The following GRIK1 variants were observed in gnomAD, a reference collection of about 807,000 sequenced individuals.
GRIK1 encodes glutamate receptor ionotropic, kainate 1.
Under a neutral mutation model 105.7 loss-of-function variants are expected in GRIK1, and 69 were observed. That is an observed-to-expected ratio of 0.65 (90% CI 0.54 to 0.80). The LOEUF (loss-of-function observed/expected upper bound fraction) is 0.80. GRIK1 is among the 30% of genes least tolerant of loss of function. The probability of loss-of-function intolerance (pLI) is 0.00; values close to 1 mark genes in which losing one functional copy is unlikely to be tolerated. For synonymous variants in GRIK1, 438 were observed against 431.3 expected, an observed-to-expected ratio of 1.02 and a Z score of -0.19; for missense variants, 1,109 against 1,167.3, an observed-to-expected ratio of 0.95 and a Z score of 0.73.
At chr21:29,714,954 A>G (rs2064143438) in intron 1 of GRIK1, among the ~76,000 whole-genome samples, 1 of 152,124 alleles carries the variant, frequency 6.6e-6, no homozygotes, top group Non-Finnish European at 1.5e-5. Flanking sequence ...TTCAGAATGG[A>G]ATTTAGTTGA....
At chr21:29,588,810 T>TCC (rs2061287229) in intron 11 of GRIK1, 29 bp downstream of exon 11, 1 of 1,165,978 alleles carries the variant, frequency 8.6e-7, no homozygotes, top group African/African-American at 1.5e-5. Context: ...ATGCATATTT[T>TCC]CAGATATGTT....
intron 1 of GRIK1, among the ~76,000 whole-genome samples, chr21:29,734,763 A>C (rs186108871): frequency 0.054 from 8,285 of 152,148 alleles, 565 homozygotes; most frequent in East Asian, 0.17. Flanking sequence ...CATTCTTGTC[A>C]CCATTGCCTC....
chr21:29,931,122 T>C (rs1030800686), intron 1 of GRIK1, among the ~76,000 whole-genome samples: 2 of 152,248 alleles, frequency 1.3e-5, no homozygotes, highest in Non-Finnish European at 2.9e-5. Context: ...TTAAAATTAA[T>C]AAACCAGTAT....
intron 1 of GRIK1, among the ~76,000 whole-genome samples, chr21:29,844,137 T>C (rs1046121368): frequency 1.3e-5 from 2 of 152,212 alleles, no homozygotes; most frequent in African/African-American, 2.4e-5. Context: ...GTAATAGATA[T>C]CTTTGTCATT....
At chr21:29,601,493 G>C (rs1379921993) in intron 7 of GRIK1, among the ~76,000 whole-genome samples, 1 of 152,158 alleles carries the variant, frequency 6.6e-6, no homozygotes, top group Non-Finnish European at 1.5e-5. Context: ...TTTTGCCTAA[G>C]CTACGTCTCC....
chr21:29,852,969 C>T (rs985449465), intron 1 of GRIK1, among the ~76,000 whole-genome samples: 2 of 152,006 alleles, frequency 1.3e-5, no homozygotes, highest in Admixed American at 6.6e-5. Context: ...ATCTTATATC[C>T]CAAAGCTTTA....
intron 4 of GRIK1, among the ~76,000 whole-genome samples, chr21:29,659,352 TC>T (rs889763307): frequency 6.6e-6 from 1 of 152,154 alleles, no homozygotes; most frequent in Non-Finnish European, 1.5e-5. Flanking sequence ...AAAACAGTTT[TC>T]CCCCCCTACC....
intron 1 of GRIK1, among the ~76,000 whole-genome samples, chr21:29,767,517 A>G (rs2065697632): frequency 1.4e-5 from 2 of 142,902 alleles, no homozygotes; most frequent in Admixed American, 1.6e-4. Context: ...GAAAGATGGA[A>G]AAAAAAAAAG....
intron 1 of GRIK1, among the ~76,000 whole-genome samples, chr21:29,831,772 A>T (rs548391556): frequency 6.6e-6 from 1 of 152,086 alleles, no homozygotes; most frequent in Non-Finnish European, 1.5e-5. Flanking sequence ...AAAACATACC[A>T]TTCTGCCCCC....
chr21:29,773,331 A>T (rs747112641), intron 1 of GRIK1, among the ~76,000 whole-genome samples: 4 of 152,136 alleles, frequency 2.6e-5, no homozygotes, highest in Non-Finnish European at 5.9e-5. Flanking sequence ...TATATTCTGA[A>T]AATAGTATTT....
At chr21:29,726,458 G>A (rs745898720) in intron 1 of GRIK1, among the ~76,000 whole-genome samples, 4 of 152,086 alleles carry the variant, frequency 2.6e-5, no homozygotes, top group Admixed American at 6.6e-5. Context: ...AATGTCATTT[G>A]TTATTACGCT....
intron 9 of GRIK1, among the ~76,000 whole-genome samples, chr21:29,594,546 C>A (rs1344582851): frequency 1.3e-5 from 2 of 152,204 alleles, no homozygotes; most frequent in African/African-American, 4.8e-5. Flanking sequence ...ATCTAAATTA[C>A]CTGGCCCTGA....
At chr21:29,755,349 ATG>A (rs2065310057) in intron 1 of GRIK1, among the ~76,000 whole-genome samples, 1 of 152,248 alleles carries the variant, frequency 6.6e-6, no homozygotes, top group African/African-American at 2.4e-5. Context: ...GAACTTAGGG[ATG>A]AGAACATCAG....
intron 9 of GRIK1, among the ~76,000 whole-genome samples, chr21:29,593,410 G>A (rs1375719813): frequency 1.3e-5 from 2 of 152,122 alleles, no homozygotes; most frequent in African/African-American, 4.8e-5. Flanking sequence ...CAGGAAAAGT[G>A]GACAGCATTT....
At chr21:29,848,779 A>ATATATATATATATATATATATT in intron 1 of GRIK1, among the ~76,000 whole-genome samples, 35 of 77,854 alleles carry the variant, frequency 4.5e-4, no homozygotes, top group African/African-American at 1.8e-3. Flanking sequence ...ATATATATAT[A>ATATATATATATATATATATATT]TTTTTTTTTT....
chr21:29,821,585 C>T (rs563265759), intron 1 of GRIK1, among the ~76,000 whole-genome samples: 1 of 151,930 alleles, frequency 6.6e-6, no homozygotes, highest in Non-Finnish European at 1.5e-5. Context: ...AGTGTCACAC[C>T]ATGTTTTAAG....
At chr21:29,777,211 C>G (rs535624417) in intron 1 of GRIK1, among the ~76,000 whole-genome samples, 1 of 152,126 alleles carries the variant, frequency 6.6e-6, no homozygotes, top group Non-Finnish European at 1.5e-5. Context: ...TGGGGTTCAC[C>G]TAGAGGGAAG....
intron 1 of GRIK1, among the ~76,000 whole-genome samples, chr21:29,878,446 C>T (rs1483391092): frequency 1.3e-5 from 2 of 151,984 alleles, no homozygotes; most frequent in Admixed American, 6.6e-5. Context: ...GGTGGAGCAC[C>T]TCATCTGGAA....
At chr21:29,892,956 C>CAG (rs1368981188) in intron 1 of GRIK1, among the ~76,000 whole-genome samples, 2 of 152,080 alleles carry the variant, frequency 1.3e-5, no homozygotes, top group Non-Finnish European at 2.9e-5. Context: ...GGTGGATCAC[C>CAG]CGAGGTCAGG....
Sources: gnomAD v4.1 joint callset for allele counts (sites outside exome capture counted in the v4.1 genomes callset) on GRCh38, gnomAD v4.1.1 for gene constraint, MANE v1.5 for transcripts, NCBI Gene and HGNC (gene_info 2026-07-23, HGNC 2026-07-21) for gene names.